Variants in MYLK observed in about 807,000 individuals in gnomAD.
MYLK encodes the protein myosin light chain kinase.
A neutral mutation model predicts 203.4 loss-of-function variants in MYLK; 106 were observed. The observed-to-expected ratio is 0.52, with a 90% confidence interval of 0.45 to 0.61. The LOEUF (loss-of-function observed/expected upper bound fraction) is 0.61, where lower values mean the gene tolerates loss of function less well. Among genes scored for constraint, MYLK ranks in the 20% least tolerant of loss-of-function variants. MYLK has a pLI of 0.00. For missense variants in MYLK, 2,072 were observed against 2,442.3 expected (o/e 0.85, Z 3.20); for synonymous variants, 867 against 959.5 (o/e 0.90, Z 1.78).
chr3:123,672,648 A>T (rs1416134418), intron 20 of MYLK, among the ~76,000 whole-genome samples: 1 of 152,218 alleles, frequency 6.6e-6, no homozygotes, highest in African/African-American at 2.4e-5. Flanking sequence ...AGCCCTAACT[A>T]ATCTTTCAGT....
chr3:123,646,821 T>G, intron 27 of MYLK: 1 of 219,056 alleles, frequency 4.6e-6, no homozygotes. Context: ...GGCCCCCTTA[T>G]CTTTCACAGG....
intron 12 of MYLK, among the ~76,000 whole-genome samples, chr3:123,723,991 T>C (rs2062186942): frequency 6.6e-6 from 1 of 152,194 alleles, no homozygotes; most frequent in Non-Finnish European, 1.5e-5. Context: ...TTCATAAAGT[T>C]TTACTGCAAC....
chr3:123,810,083 C>T (rs910183072), intron 3 of MYLK, among the ~76,000 whole-genome samples: 6 of 152,160 alleles, frequency 3.9e-5, no homozygotes, highest in African/African-American at 1.4e-4. Flanking sequence ...GGGCCTAAGG[C>T]TCAGAACTCA....
At chr3:123,813,879 A>G (rs1402493312) in intron 3 of MYLK, among the ~76,000 whole-genome samples, 2 of 151,982 alleles carry the variant, frequency 1.3e-5, no homozygotes, top group Admixed American at 1.3e-4. Flanking sequence ...ATGTCCTCCA[A>G]CCTCCTTTTC....
intron 28 of MYLK, among the ~76,000 whole-genome samples, chr3:123,639,611 A>T (rs1341675992): frequency 6.6e-6 from 1 of 152,130 alleles, no homozygotes; most frequent in Non-Finnish European, 1.5e-5. Flanking sequence ...AAGTGCTTTC[A>T]GGGCGGCCTT....
chr3:123,704,037 C>T (rs1460628079), intron 16 of MYLK, among the ~76,000 whole-genome samples: 1 of 152,242 alleles, frequency 6.6e-6, no homozygotes, highest in African/African-American at 2.4e-5. Context: ...TTTCCATGAC[C>T]TGTGCTCAAG....
At chr3:123,821,607 T>C (rs925019678) in intron 3 of MYLK, among the ~76,000 whole-genome samples, 4 of 152,192 alleles carry the variant, frequency 2.6e-5, no homozygotes, top group African/African-American at 9.7e-5. Context: ...GTCTCCTTTG[T>C]GTTGTAGGGG....
intron 2 of MYLK, among the ~76,000 whole-genome samples, chr3:123,844,446 G>A (rs1279095213): frequency 2.0e-5 from 3 of 152,064 alleles, no homozygotes; most frequent in Non-Finnish European, 4.4e-5. Context: ...GTTGGCTCTG[G>A]GGAATACATC....
rs58530437 is a variant in MYLK at position 123,828,292 on chromosome 3, A to T, written c.-4+3256T>A. On this transcript the variant is annotated intron_variant, in intron 3 of 33. Coordinates refer to ENST00000360304, the MANE Select transcript of MYLK (RefSeq NM_053025.4). ...AACGGAACAAATAGAGAACCCAGAA[A>T]TTAATCCACATAGGTACAGCCAATT... Among the ~76,000 whole-genome samples the T allele has an allele frequency of 8.7e-3, 1,321 of 152,298 alleles. 11 individuals are homozygous for T. Among genetic ancestry groups the T allele is most frequent in the African/African-American group, 0.028 (1,180 of 41,560 alleles).
In MYLK at chr3:123,741,637, G is replaced by A. The variant is rs922708322; in HGVS notation, c.374-1636C>T. 5.9e-5 allele frequency among the ~76,000 whole-genome samples: 9 copies of A among 152,118 alleles called. No homozygotes were observed. The East Asian group carries it at 7.7e-4, about 13-fold the overall frequency. On this transcript the variant is annotated intron_variant, in intron 5 of 33. Transcript: ENST00000360304. ...GCTCTGCTCTTGGGACAGCACCTCCGTTTCTGTGACTCCATTCAAAGGAAA... is the reference window on the plus strand; with the variant it reads ...GCTCTGCTCTTGGGACAGCACCTCCATTTCTGTGACTCCATTCAAAGGAAA...
intron 2 of MYLK, among the ~76,000 whole-genome samples, chr3:123,863,972 A>G (rs1577146762): frequency 6.6e-6 from 1 of 152,342 alleles, no homozygotes; most frequent in South Asian, 2.1e-4. Context: ...TGGAAATGGG[A>G]TAAGTAAACT....
At chr3:123,686,770 C>G (rs992144768) in intron 19 of MYLK, among the ~76,000 whole-genome samples, 2 of 152,176 alleles carry the variant, frequency 1.3e-5, no homozygotes, top group African/African-American at 4.8e-5. Flanking sequence ...CTGACATTTA[C>G]TGGGTATTGA....
intron 9 of MYLK, 191 bp from the exon 10 acceptor site, chr3:123,734,413 A>G (rs1383398561): frequency 1.8e-6 from 1 of 565,230 alleles, no homozygotes. Flanking sequence ...ACAAGCAGCC[A>G]TTCCCGACAC....
At chr3:123,824,241 C>A (rs1026493642) in intron 3 of MYLK, among the ~76,000 whole-genome samples, 3 of 152,100 alleles carry the variant, frequency 2.0e-5, no homozygotes, top group Non-Finnish European at 4.4e-5. Flanking sequence ...AGGCCTACAC[C>A]ATCATGTCCA....
Position 123,752,501 on chromosome 3 carries a change from C to A in MYLK, c.203G>T (p.Arg68Ile). The change falls in exon 5 of 34, where the codon AGA becomes ATA. Residue 68 changes from arginine to isoleucine, a missense_variant. Arg to Ile is a moderately conservative substitution (Grantham distance 97). Transcript: ENST00000360304. ...CCCGCTGGTGATGGGTTGCCCGTTT[C>A]TGTGCCATGTCACCTGGGGCTCTGG... ...GYPEPQVTWHRNGQPITSGGR... is the reference protein window; with the variant it reads ...GYPEPQVTWHINGQPITSGGR... 1 of 1,614,048 alleles carries A rather than the reference C, an allele frequency of 6.2e-7. No homozygotes were observed.
chr3:123,663,304 A>G (rs1305994910), intron 23 of MYLK, among the ~76,000 whole-genome samples: 1 of 152,146 alleles, frequency 6.6e-6, no homozygotes, highest in East Asian at 1.9e-4. Flanking sequence ...TCCTGGGATG[A>G]AGGAAATCCT....
chr3:123,666,034 A>G (rs2059722301), intron 22 of MYLK, among the ~76,000 whole-genome samples, 185 bp downstream of exon 22: 1 of 152,238 alleles, frequency 6.6e-6, no homozygotes, highest in Non-Finnish European at 1.5e-5. Flanking sequence ...TGGTAGATTC[A>G]GAAGCAAAGG....
intron 24 of MYLK, among the ~76,000 whole-genome samples, chr3:123,649,712 A>G (rs2059145120): frequency 1.3e-5 from 2 of 152,290 alleles, no homozygotes; most frequent in Middle Eastern, 3.4e-3. Flanking sequence ...CTCCTTTCTT[A>G]TAGCTTATAA....
intron 3 of MYLK, 137 bp downstream of exon 3, chr3:123,831,411 G>A: frequency 7.8e-7 from 1 of 1,289,506 alleles, no homozygotes; most frequent in Non-Finnish European, 1.0e-6. Flanking sequence ...TGGGCAGCTG[G>A]CCAGGTGCCA....
Sources: gnomAD v4.1 joint callset for allele counts (sites outside exome capture counted in the v4.1 genomes callset) on GRCh38, gnomAD v4.1.1 for gene constraint, MANE v1.5 for transcripts, NCBI Gene and HGNC (gene_info 2026-07-23, HGNC 2026-07-21) for gene names.